The following ONECUT2 variants were observed in gnomAD, a reference collection of about 807,000 sequenced individuals.
The protein encoded by ONECUT2 is one cut homeobox 2, also known as one cut domain family member 2.
Under a neutral mutation model 27.9 loss-of-function variants are expected in ONECUT2, and 10 were observed. The observed-to-expected ratio is 0.36, with a 90% CI of 0.22 to 0.61. ONECUT2 has a LOEUF of 0.61. Ranked by LOEUF, ONECUT2 falls within the 20% of genes least tolerant of loss-of-function variation. The pLI is 0.73. For synonymous variants in ONECUT2, 334 were observed against 315.1 expected, an observed-to-expected ratio of 1.06 and a Z score of -0.64; for missense variants, 686 against 721.0, an observed-to-expected ratio of 0.95 and a Z score of 0.56.
intron 1 of ONECUT2, among the ~76,000 whole-genome samples, chr18:57,457,080 A>G (rs2050263741): frequency 6.6e-6 from 1 of 152,156 alleles, no homozygotes; most frequent in South Asian, 2.1e-4. Context: ...TCATGTGATA[A>G]TTCACACTTT....
chr18:57,448,378 G>T (rs180751026), intron 1 of ONECUT2, among the ~76,000 whole-genome samples: 101 of 152,232 alleles, frequency 6.6e-4, no homozygotes, highest in South Asian at 1.2e-3. Context: ...TGTGTAAAAG[G>T]AGGGAAAATC....
rs1312411348 is a variant in ONECUT2 at position 57,479,973 on chromosome 18, C to T, written c.*3250C>T. ...CGTATTTTGACAAGCCTATGTGCAA[C>T]CACAGCTGGCACTGGGGTGGGCAGT... On this transcript the variant is annotated 3_prime_UTR_variant, in exon 2 of 2. Coordinates refer to ENST00000491143, the MANE Select transcript of ONECUT2 (RefSeq NM_004852.3). 6.6e-6 allele frequency: 1 copy of T among 152,246 alleles called. No individual in the cohort carries two copies. The highest frequency in any genetic ancestry group is 2.4e-5 in the African/African-American group (1 of 41,430). 9.4% of individuals were successfully genotyped at this position (152,246 alleles called of 1,614,324 possible).
intron 1 of ONECUT2, among the ~76,000 whole-genome samples, chr18:57,447,034 A>G (rs1247022938): frequency 6.6e-6 from 1 of 152,250 alleles, no homozygotes; most frequent in Non-Finnish European, 1.5e-5. Flanking sequence ...AGAAAGAGAT[A>G]TGCCAAATCA....
At chr18:57,463,765 G>T (rs1020563487) in intron 1 of ONECUT2, among the ~76,000 whole-genome samples, 1 of 152,030 alleles carries the variant, frequency 6.6e-6, no homozygotes, top group Non-Finnish European at 1.5e-5. Flanking sequence ...TGTTTGATGT[G>T]TTATGGAGAA....
At position 57,487,518 on chromosome 18, in the gene ONECUT2, G is replaced by C. The variant is rs1598950154; in HGVS notation, c.*10795G>C. 6.6e-6 allele frequency: 1 copy of C among 152,062 alleles called. No homozygotes were observed. Among genetic ancestry groups the C allele is most frequent in the East Asian group, 1.9e-4 (1 of 5,182 alleles). 9.4% of individuals were successfully genotyped at this position (152,062 alleles called of 1,614,324 possible). On this transcript the variant is annotated 3_prime_UTR_variant, in exon 2 of 2. Coordinates refer to ENST00000491143, the MANE Select transcript of ONECUT2 (RefSeq NM_004852.3). ...CTTCTCGTATTTTGTGATCAGGTCA[G>C]CTCCCAGTAGAAACTCAAATGGCAT...
Position 57,476,466 on chromosome 18 carries a change from A to G in ONECUT2, c.1258A>G (p.Lys420Glu), listed in dbSNP as rs2050382377. 2 of 1,614,216 alleles carry G rather than the reference A, an allele frequency of 1.2e-6. No individual in the cohort carries two copies. Among genetic ancestry groups the G allele is most frequent in the East Asian group, 4.5e-5 (2 of 44,878 alleles). The change falls in exon 2 of 2, where the codon AAA becomes GAA. Residue 420 changes from lysine (K) to glutamate (E), a missense_variant. Lys to Glu is a moderately conservative substitution (Grantham distance 56, BLOSUM62 1). This residue lies in a region of ONECUT2 where 51 missense variants were observed against 41.3 expected (regional missense o/e 1.23). Coordinates refer to ENST00000491143, the MANE Select transcript of ONECUT2 (RefSeq NM_004852.3). ...ACKRKEQEPN[K>E]DRNNSQKKSR... ...CAAACGCAAAGAGCAAGAACCAAAC[A>G]AAGACAGGAACAATTCCCAGAAGAA...
chr18:57,436,364 G>T lies in ONECUT2; in HGVS notation c.648G>T (p.Glu216Asp). The T allele has an allele frequency of 6.2e-7, 1 of 1,607,490 alleles. No individual in the cohort carries two copies. Among genetic ancestry groups the T allele is most frequent in the Non-Finnish European group, 8.5e-7 (1 of 1,179,860 alleles). ...ACAACCTCTACAGTCCCTACAAGGAGATGCCCGGCATGAGCCAGAGCCTGT... is the reference window on the plus strand; with the variant it reads ...ACAACCTCTACAGTCCCTACAAGGATATGCCCGGCATGAGCCAGAGCCTGT... ...AMNNLYSPYK[E>D]MPGMSQSLSP... The change falls in exon 1 of 2, where the codon GAG becomes GAT. Residue 216 changes from glutamate (E) to aspartate (D), a missense_variant. Transcript: ENST00000491143. This position sits in a 1 kb window ranked among gnomAD's most constrained non-coding sequence, Gnocchi z 5.9.
At chr18:57,470,466 ATGT>A (rs923661546) in intron 1 of ONECUT2, among the ~76,000 whole-genome samples, 36 of 152,152 alleles carry the variant, frequency 2.4e-4, no homozygotes, top group African/African-American at 8.0e-4. Flanking sequence ...CCTTTCAGAG[ATGT>A]TGTGAAAAGA....
At chr18:57,455,167 C>T (rs764088366) in intron 1 of ONECUT2, among the ~76,000 whole-genome samples, 4 of 152,090 alleles carry the variant, frequency 2.6e-5, no homozygotes, top group Admixed American at 6.5e-5. Flanking sequence ...TATCTTGTTC[C>T]CCAAATCCAT....
At chr18:57,458,286 C>G (rs2050271430) in intron 1 of ONECUT2, among the ~76,000 whole-genome samples, 1 of 152,202 alleles carries the variant, frequency 6.6e-6, no homozygotes, top group Non-Finnish European at 1.5e-5. Flanking sequence ...TAATACCAGT[C>G]TTCTTCATTA....
In ONECUT2 at chr18:57,436,676, G is replaced by C. The variant is rs748744251; in HGVS notation, c.960G>C (p.Ser320=). 6.2e-7 allele frequency: 1 copy of C among 1,613,082 alleles called. No homozygotes were observed. Among genetic ancestry groups the C allele is most frequent in the Non-Finnish European group, 8.5e-7 (1 of 1,179,970 alleles). Residue 320 remains serine, a synonymous_variant, in exon 1 of 2, where the codon TCG becomes TCC. Transcript: ENST00000491143. The surrounding 1 kb of genome is among the most constrained non-coding windows in gnomAD (Gnocchi z 5.9). ...PSRERPPSSS[S]GSQVATSGQL... is the part of the protein sequence containing the mutation. ...GCGAGCGGCCACCCTCGTCCTCATC[G>C]GGCTCGCAGGTGGCCACGTCGGGCC... is the stretch of plus-strand genomic sequence containing the variant.
chr18:57,447,877 T>C (rs1194627456), intron 1 of ONECUT2, among the ~76,000 whole-genome samples: 1 of 152,094 alleles, frequency 6.6e-6, no homozygotes, highest in Admixed American at 6.5e-5. Flanking sequence ...TTCTTGAGAG[T>C]CTAGTGATGA....
chr18:57,461,251 A>T (rs111549386), intron 1 of ONECUT2, among the ~76,000 whole-genome samples: 2 of 151,880 alleles, frequency 1.3e-5, no homozygotes, highest in African/African-American at 4.8e-5. Context: ...TCATGCTGTT[A>T]TGTGTTGCTG....
intron 1 of ONECUT2, among the ~76,000 whole-genome samples, chr18:57,469,062 G>A (rs985091732): frequency 2.0e-5 from 3 of 152,238 alleles, no homozygotes; most frequent in Non-Finnish European, 2.9e-5. Flanking sequence ...AAGCCCAGAG[G>A]TACAAATGTG....
chr18:57,435,824 C>CGGCGGCGGCAGT lies in ONECUT2; in HGVS notation c.114_125dup (p.Ser40_Gly43dup), dbSNP rs776563143. On this transcript the variant is annotated inframe_insertion, in exon 1 of 2. Transcript: ENST00000491143. Reference sequence around the variant, plus strand: ...GTCTGGGCACTTTGCACGGGCCGGCCGGCGGCGGCAGTGGCGGGGGCGGCG... The same window carrying CGGCGGCGGCAGT: ...GTCTGGGCACTTTGCACGGGCCGGCCGGCGGCGGCAGTGGCGGCGGCAGTGGCGGGGGCGGCG... 2.2e-5 allele frequency: 24 copies of CGGCGGCGGCAGT among 1,104,292 alleles called. No individual in the cohort carries two copies. Among genetic ancestry groups the CGGCGGCGGCAGT allele is most frequent in the Middle Eastern group, 4.1e-4 (1 of 2,424 alleles). 68.4% of individuals were successfully genotyped at this position (1,104,292 alleles called of 1,614,324 possible).
At chr18:57,461,855 G>A (rs1329170073) in intron 1 of ONECUT2, among the ~76,000 whole-genome samples, 1 of 152,264 alleles carries the variant, frequency 6.6e-6, no homozygotes. Context: ...GGTACTGGCA[G>A]TTAGAAGTTG....
chr18:57,451,191 T>C (rs2050228286), intron 1 of ONECUT2, among the ~76,000 whole-genome samples: 1 of 152,250 alleles, frequency 6.6e-6, no homozygotes, highest in South Asian at 2.1e-4. Context: ...ATTACATGAG[T>C]AACAAATTAT....
chr18:57,436,457 C>T lies in ONECUT2; in HGVS notation c.741C>T (p.Pro247=). The T allele has an allele frequency of 6.2e-7, 1 of 1,613,038 alleles. No homozygotes were observed. The stretch of plus-strand genomic sequence containing the variant: ...TCCACAACGCGCAGCAGAGTCTGCC[C>T]AACTACGGTCCGCCGGGCCACGACA... ...GGLHNAQQSL[P]NYGPPGHDKM... The change falls in exon 1 of 2, where the codon CCC becomes CCT. Residue 247 remains proline (P), a synonymous_variant. Coordinates refer to ENST00000491143, the MANE Select transcript of ONECUT2 (RefSeq NM_004852.3). This position sits in a 1 kb window ranked among gnomAD's most constrained non-coding sequence, Gnocchi z 5.9.
In ONECUT2 at chr18:57,487,295, C is replaced by T. The variant is rs1035570293; in HGVS notation, c.*10572C>T. On this transcript the variant is annotated 3_prime_UTR_variant, in exon 2 of 2. Coordinates refer to ENST00000491143, the MANE Select transcript of ONECUT2 (RefSeq NM_004852.3). ...GGATCCTCATAACCCAAATATATCA[C>T]CGTATGTGAGAGGGATTTGAAAGCG... The T allele has an allele frequency of 3.9e-5, 6 of 152,216 alleles. No individual in the cohort carries two copies. The highest frequency in any genetic ancestry group is 1.4e-4 in the African/African-American group (6 of 41,424). The allele number at this position is 152,216 out of a possible 1,614,324, so 9.4% of individuals were successfully genotyped here.
Sources: gnomAD v4.1 joint callset for allele counts (sites outside exome capture counted in the v4.1 genomes callset) on GRCh38, gnomAD v4.1.1 for gene constraint, gnomAD v4.1.1 regional missense constraint, Gnocchi (gnomAD v3.1) non-coding constraint, MANE v1.5 for transcripts, NCBI Gene and HGNC (gene_info 2026-07-23, HGNC 2026-07-21) for gene names.